The following KDM4C variants were observed in gnomAD, a reference collection of about 807,000 sequenced individuals.
KDM4C encodes lysine demethylase 4C, also known as lysine-specific demethylase 4C.
Under a neutral mutation model 129.3 loss-of-function variants are expected in KDM4C, and 81 were observed. That is an observed-to-expected ratio of 0.63 (90% confidence interval 0.52 to 0.75). The LOEUF is 0.75. Among genes scored for constraint, KDM4C ranks in the 30% least tolerant of loss-of-function variants. The pLI is 0.00. For synonymous variants in KDM4C, 573 were observed against 456.1 expected (o/e 1.26, Z -3.26); for missense variants, 1,457 against 1,304.0 (o/e 1.12, Z -1.81).
At position 7,063,985 on chromosome 9, in the gene KDM4C, C is replaced by T. The variant is rs566301262; in HGVS notation, c.2424+14785C>T. Among the ~76,000 whole-genome samples the T allele has an allele frequency of 3.5e-4, 53 of 152,348 alleles. No individual in the cohort carries two copies. The Middle Eastern group carries it at 0.01, about 29-fold the overall frequency. On this transcript the variant is annotated intron_variant, in intron 17 of 21. Transcript: ENST00000381309. ...TGGAGCTGTGCTGTCTGTGTGGTGA[C>T]TGCTGGCTGCTTACAGCTACCCTGC...
In KDM4C at chr9:6,939,226, G is replaced by A. The variant is rs906934363; in HGVS notation, c.922-41699G>A. 7.2e-5 allele frequency among the ~76,000 whole-genome samples: 11 copies of A among 151,974 alleles called. 1 individual carries two copies. The East Asian group carries it at 9.9e-4, about 14-fold the overall frequency. On this transcript the variant is annotated intron_variant, in intron 8 of 21. Coordinates refer to ENST00000381309, the MANE Select transcript of KDM4C (RefSeq NM_015061.6). ...GAGCTCCACCTCCTGTCAGATCAGCGGTGGTATTAGATTCTCATAGAGTGT... is the reference window on the plus strand; with the variant it reads ...GAGCTCCACCTCCTGTCAGATCAGCAGTGGTATTAGATTCTCATAGAGTGT...
intron 18 of KDM4C, among the ~76,000 whole-genome samples, chr9:7,118,973 C>A (rs1026970527): frequency 6.6e-6 from 1 of 152,150 alleles, no homozygotes; most frequent in African/African-American, 2.4e-5. Context: ...CACAAAAGCC[C>A]TTCCCCCTGT....
chr9:6,944,642 C>T (rs1020425997), intron 8 of KDM4C, among the ~76,000 whole-genome samples: 1 of 96,774 alleles, frequency 1.0e-5, no homozygotes, highest in Non-Finnish European at 2.2e-5. Context: ...CACTTTTTGT[C>T]AAGGTAGAGG....
chr9:7,088,241 A>G (rs188678736), intron 17 of KDM4C, among the ~76,000 whole-genome samples: 49 of 152,334 alleles, frequency 3.2e-4, no homozygotes, highest in South Asian at 1.2e-3. Context: ...CCATGGGGCC[A>G]AAAGTACTCG....
chr9:7,173,587 A>T lies in KDM4C; in HGVS notation c.2995-966A>T, dbSNP rs556046024. 3.9e-5 allele frequency among the ~76,000 whole-genome samples: 6 copies of T among 152,310 alleles called. No homozygotes were observed. In the East Asian group the frequency reaches 1.2e-3, roughly 29 times the overall value. ...CTTTGCAGAGGTGAGGGCCTGCCCC[A>T]TAGGGTAAGGATCAAGAAGAAAGGC... On this transcript the variant is annotated intron_variant, in intron 21 of 21. Transcript: ENST00000381309.
At chr9:6,796,695 C>T (rs1415139225) in intron 2 of KDM4C, among the ~76,000 whole-genome samples, 1 of 152,188 alleles carries the variant, frequency 6.6e-6, no homozygotes. Context: ...AATTGAGACT[C>T]ATTGACAAAG....
intron 11 of KDM4C, among the ~76,000 whole-genome samples, chr9:6,989,714 G>T (rs1258998605): frequency 6.6e-6 from 1 of 152,070 alleles, no homozygotes. Context: ...GTTAACATGG[G>T]AACATCTTAG....
chr9:6,960,073 C>A (rs1417210565), intron 8 of KDM4C, among the ~76,000 whole-genome samples: 1 of 151,746 alleles, frequency 6.6e-6, no homozygotes, highest in Non-Finnish European at 1.5e-5. Flanking sequence ...TGATCCAAGT[C>A]CCTGAGAGAT....
chr9:7,043,498 GT>G (rs1828918935), intron 15 of KDM4C, among the ~76,000 whole-genome samples: 1 of 151,970 alleles, frequency 6.6e-6, no homozygotes, highest in Admixed American at 6.6e-5. Flanking sequence ...GGAAAGAAAG[GT>G]TAAAAATTGT....
At chr9:7,134,991 C>T (rs1055259863) in intron 19 of KDM4C, among the ~76,000 whole-genome samples, 1 of 152,174 alleles carries the variant, frequency 6.6e-6, no homozygotes, top group Non-Finnish European at 1.5e-5. Flanking sequence ...ATTTTATTTC[C>T]TTTTGTGTAA....
chr9:6,949,234 T>C (rs962088206), intron 8 of KDM4C, among the ~76,000 whole-genome samples: 2 of 142,748 alleles, frequency 1.4e-5, no homozygotes, highest in Non-Finnish European at 3.0e-5. Context: ...GAGACGCTCC[T>C]CACCTCCCAG....
intron 12 of KDM4C, among the ~76,000 whole-genome samples, chr9:7,007,277 T>TAA (rs1223933050): frequency 6.6e-6 from 1 of 152,238 alleles, no homozygotes; most frequent in Non-Finnish European, 1.5e-5. Flanking sequence ...GACTGCATGT[T>TAA]ACTTGCTACA....
intron 17 of KDM4C, among the ~76,000 whole-genome samples, chr9:7,067,368 A>G (rs1832568562): frequency 6.6e-6 from 1 of 152,246 alleles, no homozygotes; most frequent in Non-Finnish European, 1.5e-5. Context: ...AGCTTGCTGT[A>G]CATGTGGCGG....
rs537296402 is a variant in KDM4C at position 6,936,603 on chromosome 9, T to G, written c.921+43371T>G. On this transcript the variant is annotated intron_variant, in intron 8 of 21. Transcript: ENST00000381309. Reference sequence around the variant, plus strand: ...CAGTTTTGCTTTTCCTGGTTTAGGTTGAACGCCATATCATTCTGATGAATG... The same window carrying G: ...CAGTTTTGCTTTTCCTGGTTTAGGTGGAACGCCATATCATTCTGATGAATG... 2.0e-5 allele frequency among the ~76,000 whole-genome samples: 3 copies of G among 152,338 alleles called. No homozygotes were observed. The East Asian group carries it at 5.8e-4, about 29-fold the overall frequency.
chr9:7,036,355 T>C (rs1170975525), intron 15 of KDM4C, among the ~76,000 whole-genome samples: 1 of 152,206 alleles, frequency 6.6e-6, no homozygotes, highest in Non-Finnish European at 1.5e-5. Context: ...ATGTTCATCT[T>C]GGAGTCTTTG....
At chr9:6,757,573 C>G, upstream of KDM4C, 1 of 949,402 alleles carries the variant, frequency 1.1e-6, no homozygotes, top group Non-Finnish European at 1.3e-6. Flanking sequence ...ACTTTCTCGC[C>G]AGGCTCTCCA....
At chr9:6,847,830 G>A (rs1473775136) in intron 4 of KDM4C, among the ~76,000 whole-genome samples, 2 of 152,216 alleles carry the variant, frequency 1.3e-5, no homozygotes, top group African/African-American at 2.4e-5. Context: ...TATGTTACCT[G>A]AGTCAGAGTT....
At chr9:6,947,888 G>C (rs545978132) in intron 8 of KDM4C, 2 of 151,942 alleles carry the variant, frequency 1.3e-5, no homozygotes, top group East Asian at 3.9e-4. Context: ...AACCATTGCT[G>C]TACACTTTTA....
In KDM4C at chr9:6,957,559, G is replaced by A. The variant is rs1034878640; in HGVS notation, c.922-23366G>A. Among the ~76,000 whole-genome samples, 5 of 152,040 alleles carry A rather than the reference G, an allele frequency of 3.3e-5. No individual in the cohort carries two copies. In the East Asian group the frequency reaches 7.7e-4, roughly 23 times the overall value. On this transcript the variant is annotated intron_variant, in intron 8 of 21. Transcript: ENST00000381309. ...CAGTGGTAGTGGCAGCGACATTGTC[G>A]GAGAATACTGGTAGGTCACCACCAC...
Sources: allele counts gnomAD v4.1 joint callset (sites outside exome capture counted in the v4.1 genomes callset), GRCh38; gene constraint gnomAD v4.1.1; transcripts MANE v1.5; gene names NCBI Gene and HGNC (gene_info 2026-07-23, HGNC 2026-07-21).